The following MYO3B variants were observed in gnomAD, a reference collection of about 807,000 sequenced individuals.
MYO3B encodes myosin-IIIb.
Under a neutral mutation model 174.6 loss-of-function variants are expected in MYO3B, and 156 were observed. The observed-to-expected ratio is 0.89, with a 90% CI of 0.78 to 1.02. The LOEUF (loss-of-function observed/expected upper bound fraction) is 1.02. MYO3B is among the 50% of genes least tolerant of loss of function. The pLI, the probability that MYO3B is intolerant of heterozygous loss-of-function variation, is 0.00. For synonymous variants in MYO3B, 563 were observed against 569.1 expected (o/e 0.99, Z 0.15); for missense variants, 1,632 against 1,639.4 (o/e 1.00, Z 0.08).
At chr2:170,635,361 G>A (rs1349999807) in intron 32 of MYO3B, among the ~76,000 whole-genome samples, 2 of 151,970 alleles carry the variant, frequency 1.3e-5, no homozygotes, top group Admixed American at 1.3e-4. Flanking sequence ...CTATCTCAAG[G>A]ACAGAAAACC....
intron 32 of MYO3B, among the ~76,000 whole-genome samples, chr2:170,609,107 T>A (rs1694988017): frequency 6.6e-6 from 1 of 152,204 alleles, no homozygotes; most frequent in South Asian, 2.1e-4. Flanking sequence ...CTCTTTCATG[T>A]TTCTTCTGAT....
intron 22 of MYO3B, among the ~76,000 whole-genome samples, chr2:170,415,569 A>G (rs944731622): frequency 2.0e-5 from 3 of 152,240 alleles, no homozygotes; most frequent in Non-Finnish European, 2.9e-5. Context: ...GTAAGCATTC[A>G]ATATATTGTT....
At chr2:170,306,683 G>T (rs1053512234) in intron 7 of MYO3B, among the ~76,000 whole-genome samples, 1 of 151,528 alleles carries the variant, frequency 6.6e-6, no homozygotes, top group Admixed American at 6.6e-5. Context: ...CCATCCCCAC[G>T]TCAGACTAGA....
intron 7 of MYO3B, among the ~76,000 whole-genome samples, chr2:170,256,176 G>C (rs2093302814): frequency 6.6e-6 from 1 of 152,218 alleles, no homozygotes; most frequent in South Asian, 2.1e-4. Context: ...ATTCCTGTGA[G>C]AGAAGGAGAG....
chr2:170,361,715 A>G (rs1406076441), intron 8 of MYO3B, among the ~76,000 whole-genome samples: 1 of 152,172 alleles, frequency 6.6e-6, no homozygotes, highest in East Asian at 1.9e-4. Flanking sequence ...GGCCTGGTTC[A>G]CTTGGCCCTT....
At chr2:170,652,607 A>G (rs1035891673) in intron 34 of MYO3B, among the ~76,000 whole-genome samples, 1 of 152,226 alleles carries the variant, frequency 6.6e-6, no homozygotes, top group African/African-American at 2.4e-5. Flanking sequence ...TAGCATCTCA[A>G]TTGAGAACAG....
intron 25 of MYO3B, among the ~76,000 whole-genome samples, chr2:170,472,652 A>G (rs1376620699): frequency 1.3e-5 from 2 of 151,254 alleles, no homozygotes; most frequent in Non-Finnish European, 2.9e-5. Flanking sequence ...AGGCAGGGAT[A>G]TTTTTCAGCT....
intron 28 of MYO3B, among the ~76,000 whole-genome samples, chr2:170,510,285 A>C (rs1687897013): frequency 6.6e-6 from 1 of 152,218 alleles, no homozygotes; most frequent in African/African-American, 2.4e-5. Context: ...GAAGAAAAGG[A>C]GGCCTTATTT....
At chr2:170,480,900 A>G (rs1373456475) in intron 25 of MYO3B, among the ~76,000 whole-genome samples, 1 of 152,200 alleles carries the variant, frequency 6.6e-6, no homozygotes, top group Non-Finnish European at 1.5e-5. Flanking sequence ...TAAGCCTACA[A>G]CACATCCTTT....
chr2:170,185,431 T>C (rs1397731636), intron 1 of MYO3B, among the ~76,000 whole-genome samples: 1 of 152,206 alleles, frequency 6.6e-6, no homozygotes, highest in Non-Finnish European at 1.5e-5. Context: ...TTGTGGCAGC[T>C]TTGTCAAATA....
intron 32 of MYO3B, among the ~76,000 whole-genome samples, chr2:170,564,096 G>A (rs746595201): frequency 1.3e-4 from 20 of 152,326 alleles, no homozygotes; most frequent in Non-Finnish European, 2.4e-4. Context: ...TCATGTGAAT[G>A]ATCAGATTTC....
chr2:170,212,397 G>A (rs1297991679), intron 3 of MYO3B, among the ~76,000 whole-genome samples: 1 of 152,044 alleles, frequency 6.6e-6, no homozygotes, highest in Non-Finnish European at 1.5e-5. Flanking sequence ...TAATATGGGG[G>A]GGCATAATTT....
At chr2:170,193,400 CT>C (rs1162235868) in intron 1 of MYO3B, among the ~76,000 whole-genome samples, 2 of 151,676 alleles carry the variant, frequency 1.3e-5, no homozygotes, top group South Asian at 2.1e-4. Flanking sequence ...TCTTTGACTT[CT>C]TTTTTTTACT....
chr2:170,619,740 T>TTTTTTTTTTTC, intron 32 of MYO3B, among the ~76,000 whole-genome samples: 1 of 105,874 alleles, frequency 9.4e-6, no homozygotes, highest in Non-Finnish European at 2.0e-5. Flanking sequence ...CCATATTCTT[T>TTTTTTTTTTTC]TTTTTTTTTT....
At chr2:170,597,920 T>C (rs1204240558) in intron 32 of MYO3B, among the ~76,000 whole-genome samples, 2 of 152,194 alleles carry the variant, frequency 1.3e-5, no homozygotes, top group African/African-American at 4.8e-5. Context: ...TCTAAAAGGG[T>C]CAAAGGGTCT....
intron 3 of MYO3B, among the ~76,000 whole-genome samples, chr2:170,210,936 A>G (rs2092763392): frequency 6.6e-6 from 1 of 152,238 alleles, no homozygotes; most frequent in African/African-American, 2.4e-5. Flanking sequence ...ACCAGCAGCC[A>G]TAAGATTTTC....
intron 7 of MYO3B, among the ~76,000 whole-genome samples, chr2:170,261,018 CTTTTTGTTTTTG>C (rs993868427): frequency 6.6e-6 from 1 of 152,028 alleles, no homozygotes; most frequent in Non-Finnish European, 1.5e-5. Context: ...TCTTTCGTTT[CTTTTTGTTTTTG>C]TTTTTGTTTT....
intron 32 of MYO3B, among the ~76,000 whole-genome samples, chr2:170,583,172 CAGACTGAT>C (rs1693264009): frequency 6.6e-6 from 1 of 151,608 alleles, no homozygotes; most frequent in Non-Finnish European, 1.5e-5. Flanking sequence ...TCTCCCTTAC[CAGACTGAT>C]AGATTTTTTA....
chr2:170,423,796 G>A (rs2094638206), intron 22 of MYO3B, among the ~76,000 whole-genome samples: 1 of 151,970 alleles, frequency 6.6e-6, no homozygotes, highest in African/African-American at 2.4e-5. Context: ...GGCGAGGATG[G>A]TCTTGGTCTC....
Sources: allele counts gnomAD v4.1 joint callset (sites outside exome capture counted in the v4.1 genomes callset), GRCh38; gene constraint gnomAD v4.1.1; transcripts MANE v1.5; gene names NCBI Gene and HGNC (gene_info 2026-07-23, HGNC 2026-07-21).